Variants in PLEKHG1 observed in about 807,000 individuals in gnomAD.
The protein encoded by PLEKHG1 is pleckstrin homology and RhoGEF domain containing G1, also known as pleckstrin homology domain-containing family G member 1.
Under a neutral mutation model 100.8 loss-of-function variants are expected in PLEKHG1, and 44 were observed. That is an observed-to-expected ratio of 0.44 (90% CI 0.34 to 0.56). The LOEUF is 0.56. Among genes scored for constraint, PLEKHG1 ranks in the 20% least tolerant of loss-of-function variants. PLEKHG1 has a pLI of 0.01. For synonymous variants in PLEKHG1, 640 were observed against 662.5 expected (o/e 0.97, Z 0.52); for missense variants, 1,545 against 1,720.9 (o/e 0.90, Z 1.81).
chr6:150,737,120 C>T (rs1782600199), intron 2 of PLEKHG1, among the ~76,000 whole-genome samples: 1 of 152,158 alleles, frequency 6.6e-6, no homozygotes, highest in Non-Finnish European at 1.5e-5. Context: ...TTGGTTGAAG[C>T]CTCTTCATCT....
At chr6:150,786,275 C>A in intron 3 of PLEKHG1, 115 bp from the exon 5 acceptor site, 1 of 701,572 alleles carries the variant, frequency 1.4e-6, no homozygotes, top group Non-Finnish European at 2.4e-6. Context: ...CTCAGTTATC[C>A]AATTATATGA....
intron 1 of PLEKHG1, among the ~76,000 whole-genome samples, chr6:150,728,605 T>C (rs1325352977): frequency 7.1e-6 from 1 of 139,918 alleles, no homozygotes; most frequent in Non-Finnish European, 1.6e-5. Context: ...AAATTTAAAA[T>C]AAAAAAAGTA....
chr6:150,635,524 C>T (rs1166465522), intron 1 of PLEKHG1, among the ~76,000 whole-genome samples: 4 of 152,200 alleles, frequency 2.6e-5, no homozygotes, highest in Non-Finnish European at 5.9e-5. Flanking sequence ...CTAATCTCAG[C>T]TGTCTTCACT....
At position 150,822,127 on chromosome 6, in the gene PLEKHG1, C is replaced by T. The variant is rs141480339; in HGVS notation, c.1447+894C>T. Among the ~76,000 whole-genome samples the T allele has an allele frequency of 4.6e-3, 602 of 131,456 alleles. 2 individuals carry two copies. Among genetic ancestry groups the T allele is most frequent in the Non-Finnish European group, 7.3e-3 (472 of 65,078 alleles). The allele number at this position is 131,456 out of a possible 152,430, so 86.2% of individuals were successfully genotyped here. ...AAGTGCTGGGATTACAGGCGTGAGC[C>T]ACCACGCCCAGCCCAAAGGACTCAA... On this transcript the variant is annotated intron_variant, in intron 13 of 15. Coordinates refer to ENST00000358517, the Ensembl canonical transcript of PLEKHG1.
At chr6:150,780,204 C>T (rs918997948) in intron 3 of PLEKHG1, among the ~76,000 whole-genome samples, 4 of 148,290 alleles carry the variant, frequency 2.7e-5, no homozygotes, top group Middle Eastern at 3.5e-3. Flanking sequence ...GGCATGATCT[C>T]AGCTCACTGC....
intron 3 of PLEKHG1, among the ~76,000 whole-genome samples, chr6:150,658,902 A>T (rs950479737): frequency 6.6e-6 from 1 of 152,238 alleles, no homozygotes; most frequent in African/African-American, 2.4e-5. Flanking sequence ...CATGCTATAT[A>T]TTATTTCTTA....
rs1383866352 is a variant in PLEKHG1, at chr6:150,661,370, C to CAT, written c.-99+10590_-99+10591dup. 5.3e-5 allele frequency among the ~76,000 whole-genome samples: 8 copies of CAT among 152,342 alleles called. No individual in the cohort carries two copies. In the East Asian group the frequency reaches 1.2e-3, roughly 22 times the overall value. ...TCAGGATTCAGTCAGTAAAGCCATG[C>CAT]ATATATACAACAGATGTTATATGCA... On this transcript the variant is annotated intron_variant, in intron 3 of 3. Coordinates refer to the PLEKHG1 transcript ENST00000367326.
In PLEKHG1 at chr6:150,600,597, C is replaced by T. The variant is rs1266023196; in HGVS notation, c.-204+580C>T. Among the ~76,000 whole-genome samples the T allele has an allele frequency of 6.6e-6, 1 of 152,200 alleles. No individual in the cohort carries two copies. The highest frequency in any genetic ancestry group is 1.5e-5 in the Non-Finnish European group (1 of 68,024). On this transcript the variant is annotated intron_variant, in intron 1 of 3. Transcript: ENST00000367326. The surrounding 1 kb of genome is among the most constrained non-coding windows in gnomAD (Gnocchi z 6.2). The stretch of plus-strand genomic sequence containing the variant: ...GGGGCGCCCCCGTTCTGCAGATGCG[C>T]TTTTCAGGGGGTGGGGAGTCAAGAG...
At chr6:150,734,870 C>T (rs1782479333) in intron 2 of PLEKHG1, among the ~76,000 whole-genome samples, 2 of 151,338 alleles carry the variant, frequency 1.3e-5, no homozygotes, top group Admixed American at 6.6e-5. Context: ...TTCAATTATT[C>T]GATTTTGATT....
At chr6:150,821,418 T>C (rs1776290620) in intron 13 of PLEKHG1, among the ~76,000 whole-genome samples, 185 bp downstream of exon 14, 1 of 152,184 alleles carries the variant, frequency 6.6e-6, no homozygotes, top group Non-Finnish European at 1.5e-5. Context: ...GCACAGTAGC[T>C]CACGCCTGTA....
intron 2 of PLEKHG1, among the ~76,000 whole-genome samples, chr6:150,766,379 CTG>C (rs1784455532): frequency 6.6e-6 from 1 of 152,218 alleles, no homozygotes; most frequent in African/African-American, 2.4e-5. Context: ...GCAGAATGAA[CTG>C]TTATTATCAC....
chr6:150,746,585 G>C (rs959277642), intron 2 of PLEKHG1, among the ~76,000 whole-genome samples: 2 of 152,210 alleles, frequency 1.3e-5, no homozygotes, highest in Non-Finnish European at 2.9e-5. Flanking sequence ...AGTAGTATGA[G>C]AGTTGATTTA....
intron 14 of PLEKHG1, chr6:150,828,136 A>G (rs563166731): frequency 9.5e-5 from 154 of 1,613,480 alleles, no homozygotes; most frequent in Non-Finnish European, 1.3e-4. Flanking sequence ...ATACCCAATT[A>G]TACTGATAGG....
At chr6:150,633,138 C>T (rs1777831763) in intron 1 of PLEKHG1, 1 of 152,234 alleles carries the variant, frequency 6.6e-6, no homozygotes, top group South Asian at 2.1e-4. Context: ...TGAATAATGA[C>T]AGTGGGTCTT....
intron 4 of PLEKHG1, among the ~76,000 whole-genome samples, chr6:150,789,407 A>G (rs562688675): frequency 1.5e-4 from 23 of 152,334 alleles, no homozygotes; most frequent in African/African-American, 5.5e-4. Flanking sequence ...ATCATTTGTA[A>G]GGTCCACAGA....
chr6:150,742,878 G>A (rs1782954709), intron 2 of PLEKHG1, among the ~76,000 whole-genome samples: 1 of 152,180 alleles, frequency 6.6e-6, no homozygotes, highest in African/African-American at 2.4e-5. Flanking sequence ...AGTCATTCAA[G>A]GACCCAGGCT....
chr6:150,669,691 G>A (rs1432127315), intron 3 of PLEKHG1, among the ~76,000 whole-genome samples: 1 of 150,308 alleles, frequency 6.7e-6, no homozygotes, highest in Non-Finnish European at 1.5e-5. Context: ...CCACCTCCCA[G>A]GTTCAAACGT....
chr6:150,708,048 C>T (rs1292000429), intron 3 of PLEKHG1, among the ~76,000 whole-genome samples: 2 of 152,212 alleles, frequency 1.3e-5, no homozygotes, highest in African/African-American at 4.8e-5. Flanking sequence ...ATCTCTACCC[C>T]CAGGCTGCTA....
intron 1 of PLEKHG1, among the ~76,000 whole-genome samples, chr6:150,636,801 G>A (rs1778023822): frequency 6.6e-6 from 1 of 152,146 alleles, no homozygotes; most frequent in Non-Finnish European, 1.5e-5. Context: ...GTTTGGAAAG[G>A]GTGAAATCAA....
Sources: gnomAD v4.1 joint callset for allele counts (sites outside exome capture counted in the v4.1 genomes callset) on GRCh38, gnomAD v4.1.1 for gene constraint, Gnocchi (gnomAD v3.1) non-coding constraint, MANE v1.5 for transcripts, NCBI Gene and HGNC (gene_info 2026-07-23, HGNC 2026-07-21) for gene names.